Variants in ZNF841 observed in about 807,000 individuals in gnomAD.
ZNF841 encodes TCONS_00006091.
ZNF841 carries 11 observed loss-of-function variants against 13.0 expected under a neutral mutation model. The ratio of observed to expected loss-of-function variants is 0.85; its 90% confidence interval spans 0.53 to 1.40. The LOEUF (loss-of-function observed/expected upper bound fraction) is 1.40. Ranked by LOEUF, ZNF841 falls within the 40% of genes most tolerant of loss-of-function variation. The probability of loss-of-function intolerance (pLI) is 0.00; values close to 1 mark genes in which losing one functional copy is unlikely to be tolerated. For missense variants in ZNF841, 1,068 were observed against 1,139.5 expected, an observed-to-expected ratio of 0.94 and a Z score of 0.90; for synonymous variants, 369 against 381.6, an observed-to-expected ratio of 0.97 and a Z score of 0.38.
intron 1 of ZNF841, among the ~76,000 whole-genome samples, chr19:52,095,054 C>T (rs1465741386): frequency 6.6e-6 from 1 of 152,146 alleles, no homozygotes; most frequent in African/African-American, 2.4e-5. Context: ...CCCTCTCACC[C>T]ACACATTCGG....
At chr19:52,094,046 T>C (rs1401166994) in intron 1 of ZNF841, 75 bp from the exon 2 acceptor site, 3 of 152,012 alleles carry the variant, frequency 2.0e-5, no homozygotes, top group Non-Finnish European at 4.4e-5. Flanking sequence ...CAAAGACATA[T>C]CTTGTAGTGA....
intron 4 of ZNF841, among the ~76,000 whole-genome samples, chr19:52,083,466 T>C (rs1164029922): frequency 6.6e-6 from 1 of 152,100 alleles, no homozygotes; most frequent in South Asian, 2.1e-4. Context: ...TTTTTTCTCT[T>C]TGAGGATCTA....
downstream of ZNF841, among the ~76,000 whole-genome samples, chr19:52,060,208 T>C (rs569770577): frequency 1.5e-4 from 23 of 152,362 alleles, no homozygotes; most frequent in African/African-American, 5.3e-4. Context: ...CCTAAACAAC[T>C]TGCAGTCAAG....
Position 52,076,154 on chromosome 19 carries a change from A to G in ZNF841, c.161T>C (p.Leu54Pro). 1.3e-6 allele frequency: 2 copies of G among 1,555,338 alleles called. No individual in the cohort carries two copies. The highest frequency in any genetic ancestry group is 1.7e-6 in the Non-Finnish European group (2 of 1,148,880). The change falls in exon 6 of 7, where the codon CTG (leucine) becomes CCG (proline). Residue 54 changes from leucine (L) to proline (P), a missense_variant. Leu to Pro is a moderately conservative substitution (Grantham distance 98, BLOSUM62 -3). Coordinates refer to ENST00000594440, the MANE Select transcript of ZNF841 (RefSeq NM_001136499.2). ...TTGCTCCAACATGGAGATAATATTC[A>G]GGTCAGGAAGACAGAGTCCTGCTTA... ...LGFLGLCLPD[L>P]NIISMLEQGK...
chr19:52,092,964 CA>C (rs1201552271), intron 2 of ZNF841, among the ~76,000 whole-genome samples: 4 of 152,118 alleles, frequency 2.6e-5, no homozygotes, highest in Non-Finnish European at 5.9e-5. Context: ...ACTAAAAACA[CA>C]AAAAGCTGGG....
At chr19:52,080,675 T>TA (rs2088069091) in intron 4 of ZNF841, among the ~76,000 whole-genome samples, 2 of 152,310 alleles carry the variant, frequency 1.3e-5, no homozygotes, top group African/African-American at 4.8e-5. Flanking sequence ...GCATATCTAG[T>TA]ACTACAGCTT....
Position 52,067,313 on chromosome 19 carries a change from G to C in ZNF841, c.569C>G (p.Ser190Cys). 6.4e-7 allele frequency: 1 copy of C among 1,551,568 alleles called. No individual in the cohort carries two copies. Among genetic ancestry groups the C allele is most frequent in the Non-Finnish European group, 8.7e-7 (1 of 1,146,964 alleles). ...MENQLILRFQ[S>C]GLGELQKFQT... ...AAATTTCTGCAATTCACCCAGACCG[G>C]ACTGAAACCTTAATATAAGCTGATT... The change falls in exon 7 of 7, where the codon TCC becomes TGC. Residue 190 changes from serine to cysteine, a missense_variant. Transcript: ENST00000594440.
chr19:52,087,156 T>G (rs1205276437), intron 3 of ZNF841, among the ~76,000 whole-genome samples: 1 of 152,228 alleles, frequency 6.6e-6, no homozygotes, highest in Admixed American at 6.5e-5. Flanking sequence ...TAAAAATGAA[T>G]GACACAGTTA....
intron 4 of ZNF841, among the ~76,000 whole-genome samples, chr19:52,082,174 C>T (rs1156263305): frequency 6.6e-6 from 1 of 152,118 alleles, no homozygotes; most frequent in Non-Finnish European, 1.5e-5. Flanking sequence ...GATATGATCA[C>T]TGACTGACAA....
downstream of ZNF841, among the ~76,000 whole-genome samples, chr19:52,064,310 C>T (rs1194451092): frequency 7.6e-6 from 1 of 131,012 alleles, no homozygotes; most frequent in Non-Finnish European, 1.6e-5. Flanking sequence ...TGCGCCACTG[C>T]AGTCCGCAGT....
intron 3 of ZNF841, among the ~76,000 whole-genome samples, chr19:52,086,319 G>A (rs1249952067): frequency 6.6e-6 from 1 of 152,060 alleles, no homozygotes; most frequent in Non-Finnish European, 1.5e-5. Flanking sequence ...CCTTGGTGCT[G>A]TTCTTATCAT....
intron 4 of ZNF841, among the ~76,000 whole-genome samples, chr19:52,079,721 G>A (rs1234091272): frequency 6.6e-6 from 1 of 152,096 alleles, no homozygotes; most frequent in Non-Finnish European, 1.5e-5. Context: ...GCCGGGCACG[G>A]TGGCTCATAC....
chr19:52,094,196 T>TA (rs1424582698), intron 1 of ZNF841: 1 of 152,192 alleles, frequency 6.6e-6, no homozygotes, highest in African/African-American at 2.4e-5. Flanking sequence ...TTGATACAAA[T>TA]ACATACAAAA....
At chr19:52,075,774 G>A (rs2087879491) in intron 6 of ZNF841, among the ~76,000 whole-genome samples, 1 of 152,172 alleles carries the variant, frequency 6.6e-6, no homozygotes, top group Non-Finnish European at 1.5e-5. Context: ...CCATGCCACA[G>A]AGTCAAAGCA....
downstream of ZNF841, among the ~76,000 whole-genome samples, chr19:52,060,229 G>A (rs779356209): frequency 2.6e-5 from 4 of 152,068 alleles, no homozygotes; most frequent in Non-Finnish European, 5.9e-5. Context: ...ACCCTCTACT[G>A]GTAACATATT....
intron 4 of ZNF841, among the ~76,000 whole-genome samples, chr19:52,079,431 T>TAAAAAAAAAAAAAAAAAAAAAAACAAA (rs35306980): frequency 1.2e-5 from 1 of 83,204 alleles, no homozygotes; most frequent in Non-Finnish European, 2.5e-5. Flanking sequence ...AGGAAATCTG[T>TAAAAAAAAAAAAAAAAAAAAAAACAAA]AAAAAAAAAA....
chr19:52,072,313 C>G (rs1489923442), intron 6 of ZNF841, among the ~76,000 whole-genome samples: 1 of 152,154 alleles, frequency 6.6e-6, no homozygotes, highest in Non-Finnish European at 1.5e-5. Flanking sequence ...AGAACCTAAA[C>G]TATATATCAA....
intron 4 of ZNF841, among the ~76,000 whole-genome samples, chr19:52,079,893 A>G (rs1332649366): frequency 6.6e-6 from 1 of 151,422 alleles, no homozygotes; most frequent in Admixed American, 6.6e-5. Context: ...AGGGAGGCTG[A>G]GCCAGGAGGA....
downstream of ZNF841, among the ~76,000 whole-genome samples, chr19:52,061,661 C>T (rs748394181): frequency 2.2e-4 from 34 of 152,210 alleles, no homozygotes; most frequent in Admixed American, 1.3e-4. Context: ...ATTCTCCTGC[C>T]TCAGCCTCCC....
Sources: gnomAD v4.1 joint callset for allele counts (sites outside exome capture counted in the v4.1 genomes callset) on GRCh38, gnomAD v4.1.1 for gene constraint, MANE v1.5 for transcripts, NCBI Gene and HGNC (gene_info 2026-07-23, HGNC 2026-07-21) for gene names.